AP1G1: variants seen among roughly 807,000 people sequenced by gnomAD.
AP1G1 encodes the protein AP-1 complex subunit gamma-1.
In AP1G1, 7 loss-of-function variants were observed where a neutral mutation model predicts 108.3. The observed-to-expected ratio is 0.06, with a 90% CI of 0.04 to 0.12. AP1G1 has a LOEUF of 0.12. Among genes scored for constraint, AP1G1 ranks in the 10% least tolerant of loss-of-function variants. The probability of loss-of-function intolerance (pLI) is 1.00; values close to 1 mark genes in which losing one functional copy is unlikely to be tolerated. For synonymous variants in AP1G1, 379 were observed against 353.5 expected (o/e 1.07, Z -0.81); for missense variants, 756 against 1,010.7 (o/e 0.75, Z 3.42).
intron 1 of AP1G1, among the ~76,000 whole-genome samples, chr16:71,802,135 G>C (rs184077127): frequency 2.0e-5 from 3 of 152,218 alleles, no homozygotes; most frequent in Admixed American, 6.5e-5. Flanking sequence ...TGATTATACA[G>C]TTGTACAACT....
intron 2 of AP1G1, 113 bp downstream of exon 2, chr16:71,789,166 A>G (rs867545614): frequency 9.3e-6 from 9 of 964,808 alleles, no homozygotes; most frequent in African/African-American, 6.4e-5. Flanking sequence ...CAGTTCCACA[A>G]TGATCAGACT....
intron 6 of AP1G1, among the ~76,000 whole-genome samples, chr16:71,766,139 T>C (rs1168140632): frequency 1.3e-5 from 2 of 152,104 alleles, no homozygotes. Flanking sequence ...ACAATAGTAA[T>C]ACGGTAATCA....
Position 71,773,274 on chromosome 16 carries a change from C to A in AP1G1, c.415G>T (p.Ala139Ser). The change falls in exon 4 of 23, where the codon GCA (alanine) becomes TCA (serine). Residue 139 changes from alanine (A) to serine (S), a missense_variant. Ala to Ser is a moderately conservative substitution (Grantham distance 99). Coordinates refer to ENST00000299980, the MANE Select transcript of AP1G1 (RefSeq NM_001128.6). Reference protein sequence around the residue: ...MGSSEMCRDLAGEVEKLLKTS... With the variant: ...MGSSEMCRDLSGEVEKLLKTS... ...TTCAGGAGCTTCTCTACCTCTCCTGCAAGATCTCTGCACATCTCTGAGGAG... is the reference window on the plus strand; with the variant it reads ...TTCAGGAGCTTCTCTACCTCTCCTGAAAGATCTCTGCACATCTCTGAGGAG... 3 of 1,613,108 alleles carry A rather than the reference C, an allele frequency of 1.9e-6. No individual in the cohort carries two copies. Among genetic ancestry groups the A allele is most frequent in the Non-Finnish European group, 2.5e-6 (3 of 1,179,742 alleles).
intron 2 of AP1G1, among the ~76,000 whole-genome samples, chr16:71,779,628 T>C (rs987466753): frequency 2.6e-5 from 4 of 152,078 alleles, no homozygotes; most frequent in African/African-American, 7.2e-5. Flanking sequence ...GTGTGAGCAA[T>C]CACACCCCGC....
chr16:71,758,585 T>C lies in AP1G1; in HGVS notation c.1088+223A>G, dbSNP rs919036395. 5.6e-5 allele frequency: 34 copies of C among 606,784 alleles called. No individual in the cohort carries two copies. The Admixed American group carries it at 6.9e-4, about 12-fold the overall frequency. The allele number at this position is 606,784 out of a possible 1,614,324, so 37.6% of individuals were successfully genotyped here. Reference sequence around the variant, plus strand: ...GACAACTTCAGTGTGCACTTAAGTATTCTTATTGGCCTCCTTAACAACCTA... The same window carrying C: ...GACAACTTCAGTGTGCACTTAAGTACTCTTATTGGCCTCCTTAACAACCTA... On this transcript the variant is annotated intron_variant, in intron 11 of 22. Transcript: ENST00000299980.
chr16:71,780,141 G>A (rs73582274), intron 2 of AP1G1, among the ~76,000 whole-genome samples: 5,500 of 151,414 alleles, frequency 0.036, 331 homozygotes, highest in African/African-American at 0.13. Context: ...CTACAGGCAC[G>A]CACCACTATA....
chr16:71,751,365 T>G (rs1427050344), intron 13 of AP1G1: 4 of 151,270 alleles, frequency 2.6e-5, no homozygotes, highest in Non-Finnish European at 2.9e-5. Context: ...GTTTAAAACT[T>G]TATCACCCAA....
intron 2 of AP1G1, among the ~76,000 whole-genome samples, chr16:71,784,677 G>A (rs1265098450): frequency 6.6e-6 from 1 of 151,800 alleles, no homozygotes; most frequent in African/African-American, 2.4e-5. Context: ...TCCTGCCTCA[G>A]CCTCCCAAGT....
At chr16:71,746,738 C>G (rs762454808) in intron 16 of AP1G1, 46 bp from the exon 17 acceptor site, 2 of 1,411,342 alleles carry the variant, frequency 1.4e-6, no homozygotes, top group Admixed American at 3.5e-5. Flanking sequence ...AAAGAAAATT[C>G]ACAAATAAGC....
chr16:71,782,324 C>T (rs561293891), intron 2 of AP1G1, among the ~76,000 whole-genome samples: 60 of 151,706 alleles, frequency 4.0e-4, no homozygotes, highest in Admixed American at 6.6e-4. Context: ...CCACCATGCC[C>T]GGCTAATTTT....
In AP1G1 at chr16:71,748,325, C is replaced by A. The variant is rs754908632; in HGVS notation, c.1551G>T (p.Met517Ile). Residue 517 changes from methionine to isoleucine, a missense_variant, in exon 16 of 23, where the codon ATG becomes ATT. Physicochemically the swap from Met to Ile is conservative, Grantham distance 10. Transcript: ENST00000299980. ...DILESVLISN[M>I]STSVTRGYAL... ...CATAACCTCGTGTCACAGAGGTGGA[C>A]ATATTAGAGATTAGGACACTTTCTA... 12 of 1,613,306 alleles carry A rather than the reference C, an allele frequency of 7.4e-6. No individual in the cohort carries two copies. In the South Asian group the frequency reaches 8.8e-5, roughly 12 times the overall value.
intron 8 of AP1G1, 77 bp from the exon 9 acceptor site, chr16:71,764,525 C>A (rs927672091): frequency 1.6e-6 from 2 of 1,268,518 alleles, no homozygotes; most frequent in Non-Finnish European, 1.1e-6. Flanking sequence ...TAACAAGAGG[C>A]ATTTTGTGAT....
Position 71,778,305 on chromosome 16 carries a change from C to T in AP1G1, c.202-3713G>A, listed in dbSNP as rs138155313. 2.0e-3 allele frequency among the ~76,000 whole-genome samples: 297 copies of T among 152,302 alleles called. 1 individual carries two copies. The highest frequency in any genetic ancestry group is 3.4e-3 in the Non-Finnish European group (234 of 68,034). ...CTGGAAATAGCATCTGATATATACACTCCAGTGATGGATTAACTCTGATCA... is the reference window on the plus strand; with the variant it reads ...CTGGAAATAGCATCTGATATATACATTCCAGTGATGGATTAACTCTGATCA... On this transcript the variant is annotated intron_variant, in intron 2 of 22. Coordinates refer to ENST00000299980, the MANE Select transcript of AP1G1 (RefSeq NM_001128.6).
chr16:71,791,066 C>T (rs2145528992), intron 1 of AP1G1, among the ~76,000 whole-genome samples: 1 of 151,792 alleles, frequency 6.6e-6, no homozygotes, highest in East Asian at 1.9e-4. Context: ...ACAAAAAATA[C>T]AAAAATTAGC....
In AP1G1 at chr16:71,808,745, G is replaced by T. The variant is rs1382672472; in HGVS notation, c.-4+18C>A. On this transcript the variant is annotated intron_variant, in intron 1 of 22. Coordinates refer to ENST00000299980, the MANE Select transcript of AP1G1 (RefSeq NM_001128.6). ...GCAAAAGCAGCAATATGCTCTCAGC[G>T]CCGGGAGTGACACTCACCGGCCCGA... 7.8e-7 allele frequency: 1 copy of T among 1,288,610 alleles called. No homozygotes were observed. Among genetic ancestry groups the T allele is most frequent in the African/African-American group, 1.5e-5 (1 of 65,850 alleles). The allele number at this position is 1,288,610 out of a possible 1,614,324, so 79.8% of individuals were successfully genotyped here.
At chr16:71,771,069 T>A (rs916889415) in intron 5 of AP1G1, 87 bp downstream of exon 5, 6 of 815,620 alleles carry the variant, frequency 7.4e-6, no homozygotes, top group Non-Finnish European at 1.2e-5. Context: ...TCCACTGTTC[T>A]GAGAGACACA....
intron 11 of AP1G1, among the ~76,000 whole-genome samples, chr16:71,756,909 A>T (rs11075901): frequency 6.9e-6 from 1 of 144,696 alleles, no homozygotes; most frequent in African/African-American, 2.6e-5. Context: ...CCAGCCTCGG[A>T]AACAGAGTGA....
chr16:71,765,111 G>C (rs1262709067), intron 7 of AP1G1, among the ~76,000 whole-genome samples: 1 of 152,142 alleles, frequency 6.6e-6, no homozygotes, highest in East Asian at 1.9e-4. Context: ...GAGGCTGAGG[G>C]GGGCGGGCTA....
chr16:71,734,598 G>T lies in AP1G1; in HGVS notation c.2367+11C>A. 6.3e-7 allele frequency: 1 copy of T among 1,591,534 alleles called. No homozygotes were observed. Among genetic ancestry groups the T allele is most frequent in the Non-Finnish European group, 8.6e-7 (1 of 1,159,490 alleles). ...TTCGGCTCAGATATTGGCTACAAAT[G>T]TGCTACTCACCTTCTGAGGGTTCAG... On this transcript the variant is annotated intron_variant, in intron 22 of 22. Transcript: ENST00000299980.
Sources: gnomAD v4.1 joint callset for allele counts (sites outside exome capture counted in the v4.1 genomes callset) on GRCh38, gnomAD v4.1.1 for gene constraint, MANE v1.5 for transcripts, NCBI Gene and HGNC (gene_info 2026-07-23, HGNC 2026-07-21) for gene names.